The following DAB1 variants were observed in gnomAD, a reference collection of about 807,000 sequenced individuals.
DAB1 encodes the protein disabled homolog 1.
A neutral mutation model predicts 64.6 loss-of-function variants in DAB1; 15 were observed. That is an observed-to-expected ratio of 0.23 (90% CI 0.16 to 0.36). The LOEUF (loss-of-function observed/expected upper bound fraction) is 0.36. Among genes scored for constraint, DAB1 ranks in the 10% least tolerant of loss-of-function variants. The pLI is 1.00. For missense variants in DAB1, 596 were observed against 706.7 expected, an observed-to-expected ratio of 0.84 and a Z score of 1.78; for synonymous variants, 235 against 251.9, an observed-to-expected ratio of 0.93 and a Z score of 0.64.
intron 4 of DAB1, among the ~76,000 whole-genome samples, chr1:57,077,427 G>A (rs561597055): frequency 2.2e-4 from 33 of 152,230 alleles, no homozygotes; most frequent in African/African-American, 7.5e-4. Context: ...ACAGGATGAA[G>A]GAAATGAATG....
intron 7 of DAB1, among the ~76,000 whole-genome samples, chr1:57,590,634 T>C (rs1177304160): frequency 6.6e-6 from 1 of 151,728 alleles, no homozygotes; most frequent in Non-Finnish European, 1.5e-5. Context: ...CCTAGCCCCT[T>C]AATTATTTTT....
intron 4 of DAB1, among the ~76,000 whole-genome samples, chr1:57,096,210 C>A (rs1654151921): frequency 6.6e-6 from 1 of 152,144 alleles, no homozygotes; most frequent in African/African-American, 2.4e-5. Context: ...TACACCCAAG[C>A]CTTTCTCACT....
intron 1 of DAB1, chr1:58,539,431 T>C: frequency 1.6e-6 from 1 of 616,516 alleles, no homozygotes; most frequent in Non-Finnish European, 2.8e-6. Flanking sequence ...CTAAATTACC[T>C]TGGGTTTCAA....
At chr1:57,424,084 C>T (rs1685150277), upstream of DAB1, 1 of 151,990 alleles carries the variant, frequency 6.6e-6, no homozygotes, top group Non-Finnish European at 1.5e-5. Context: ...GCCACCGGCC[C>T]CGCGTCAGAG....
At chr1:58,347,829 C>T (rs1644016488) in intron 3 of DAB1, among the ~76,000 whole-genome samples, 1 of 152,126 alleles carries the variant, frequency 6.6e-6, no homozygotes, top group Admixed American at 6.6e-5. Flanking sequence ...ACCTTGCCCC[C>T]TTGGCTTGAG....
chr1:57,564,822 A>G lies in DAB1; in HGVS notation n.625+84770T>C, dbSNP rs1645097956. On this transcript the variant is annotated intron_variant and non_coding_transcript_variant, in intron 7 of 20. Coordinates refer to the DAB1 transcript ENST00000485760. ...ACTGGTGTACCTGAAAGTGACAAGG[A>G]GAATGGAACCAAGTTGGAAAACACT... Among the ~76,000 whole-genome samples, 3 of 152,370 alleles carry G rather than the reference A, an allele frequency of 2.0e-5. No individual in the cohort carries two copies. The South Asian group carries it at 6.2e-4, about 32-fold the overall frequency.
intron 5 of DAB1, among the ~76,000 whole-genome samples, chr1:58,033,691 G>C (rs1647002704): frequency 6.6e-6 from 1 of 152,118 alleles, no homozygotes; most frequent in Non-Finnish European, 1.5e-5. Context: ...ATAAATATTT[G>C]TTGAGTAGAT....
At chr1:57,548,139 A>C (rs749559691) in intron 7 of DAB1, among the ~76,000 whole-genome samples, 3 of 152,176 alleles carry the variant, frequency 2.0e-5, no homozygotes, top group Non-Finnish European at 4.4e-5. Flanking sequence ...CTGTGAGCTT[A>C]TAGGATATTT....
At chr1:57,466,120 C>T (rs1051138957) in intron 7 of DAB1, among the ~76,000 whole-genome samples, 1 of 152,150 alleles carries the variant, frequency 6.6e-6, no homozygotes, top group African/African-American at 2.4e-5. Context: ...ACTTTCAGAG[C>T]CACTATCAAG....
intron 4 of DAB1, among the ~76,000 whole-genome samples, chr1:58,277,749 G>A (rs1661484246): frequency 6.6e-6 from 1 of 152,178 alleles, no homozygotes; most frequent in African/African-American, 2.4e-5. Context: ...AGCCTCATCA[G>A]TGCTATGTGA....
At chr1:57,636,108 A>AC (rs1483295456) in intron 7 of DAB1, among the ~76,000 whole-genome samples, 4 of 149,572 alleles carry the variant, frequency 2.7e-5, no homozygotes, top group Admixed American at 2.0e-4. Context: ...AAAAAAAAAA[A>AC]AAAAACAAAA....
chr1:58,334,134 C>A (rs1380327519), intron 4 of DAB1, among the ~76,000 whole-genome samples: 2 of 152,074 alleles, frequency 1.3e-5, no homozygotes, highest in South Asian at 2.1e-4. Flanking sequence ...CATATCTTGA[C>A]CAATGGAATA....
chr1:58,275,134 A>G (rs1661411354), intron 4 of DAB1, among the ~76,000 whole-genome samples: 1 of 152,258 alleles, frequency 6.6e-6, no homozygotes, highest in Non-Finnish European at 1.5e-5. Flanking sequence ...CCACATATAA[A>G]AAAATAAATT....
rs1410406543 is a variant in DAB1, at chr1:57,280,028, A to T, written c.67+10936T>A. 2.0e-5 allele frequency among the ~76,000 whole-genome samples: 3 copies of T among 152,166 alleles called. 1 individual carries two copies. Among genetic ancestry groups the T allele is most frequent in the Non-Finnish European group, 4.4e-5 (3 of 68,034 alleles). ...GGTAAGAGGACATATCATTCAGTGG[A>T]GAGAAGTTTAGTCCAGGGTTAAGAA... On this transcript the variant is annotated intron_variant, in intron 2 of 14. Coordinates refer to ENST00000371236, the MANE Select transcript of DAB1 (RefSeq NM_001365792.1).
intron 7 of DAB1, among the ~76,000 whole-genome samples, chr1:57,526,578 T>A (rs1644596108): frequency 6.6e-6 from 1 of 152,190 alleles, no homozygotes; most frequent in Non-Finnish European, 1.5e-5. Context: ...GCATTATAAC[T>A]CTGAGAAAGG....
At chr1:58,060,070 C>T (rs906071051) in intron 5 of DAB1, 6 of 152,608 alleles carry the variant, frequency 3.9e-5, no homozygotes, top group African/African-American at 1.4e-4. Context: ...GGAGAGCACA[C>T]ATCCGGGAAA....
chr1:58,003,682 T>C (rs762255082), intron 5 of DAB1, among the ~76,000 whole-genome samples: 1 of 152,202 alleles, frequency 6.6e-6, no homozygotes, highest in Non-Finnish European at 1.5e-5. Context: ...CACTGGGTCA[T>C]TGCTTTTTGA....
intron 5 of DAB1, among the ~76,000 whole-genome samples, chr1:57,999,723 T>C (rs1646478416): frequency 6.6e-6 from 1 of 152,088 alleles, no homozygotes; most frequent in Admixed American, 6.6e-5. Flanking sequence ...CCAGCCCAAA[T>C]GTCAGTAGTG....
intron 4 of DAB1, among the ~76,000 whole-genome samples, chr1:57,117,440 T>G (rs1308952508): frequency 6.6e-6 from 1 of 152,220 alleles, no homozygotes; most frequent in African/African-American, 2.4e-5. Flanking sequence ...TCAGGCTGAT[T>G]AAGTCCCCAA....
Sources: gnomAD v4.1 joint callset for allele counts (sites outside exome capture counted in the v4.1 genomes callset) on GRCh38, gnomAD v4.1.1 for gene constraint, MANE v1.5 for transcripts, NCBI Gene and HGNC (gene_info 2026-07-23, HGNC 2026-07-21) for gene names.